The following DNAAF9 variants were observed in gnomAD, a reference collection of about 807,000 sequenced individuals.
DNAAF9 encodes the protein dynein axonemal assembly factor 9.
Under a neutral mutation model 167.0 loss-of-function variants are expected in DNAAF9, and 90 were observed. That is an observed-to-expected ratio of 0.54 (90% CI 0.45 to 0.64). The LOEUF is 0.64. Among genes scored for constraint, DNAAF9 ranks in the 30% least tolerant of loss-of-function variants. The pLI is 0.00. For missense variants in DNAAF9, 1,315 were observed against 1,442.2 expected, an observed-to-expected ratio of 0.91 and a Z score of 1.43; for synonymous variants, 491 against 508.8, an observed-to-expected ratio of 0.96 and a Z score of 0.47.
chr20:3,264,575 T>C (rs530652072), intron 30 of DNAAF9, 51 bp from the exon 31 acceptor site: 21 of 857,562 alleles, frequency 2.4e-5, no homozygotes, highest in African/African-American at 1.7e-4. Flanking sequence ...GTCAATCTCT[T>C]TTTTTTTTTT....
intron 10 of DNAAF9, among the ~76,000 whole-genome samples, chr20:3,333,565 ACAT>A (rs1202636544): frequency 6.6e-6 from 1 of 152,262 alleles, no homozygotes; most frequent in Admixed American, 6.5e-5. Context: ...CTAATAGTGA[ACAT>A]CATCAATATT....
chr20:3,311,954 T>C (rs893831644), intron 20 of DNAAF9, among the ~76,000 whole-genome samples: 1 of 151,888 alleles, frequency 6.6e-6, no homozygotes, highest in Non-Finnish European at 1.5e-5. Flanking sequence ...TGAAAAAAAC[T>C]TCAAGGTAAA....
chr20:3,340,706 T>C, intron 9 of DNAAF9, 67 bp from the exon 10 acceptor site: 1 of 1,480,998 alleles, frequency 6.8e-7, no homozygotes, highest in Non-Finnish European at 9.4e-7. Context: ...TTCCATGACC[T>C]TAATAAGTCC....
chr20:3,253,912 T>G (rs144261715), intron 35 of DNAAF9, 93 bp from the exon 36 acceptor site: 76 of 754,142 alleles, frequency 1.0e-4, no homozygotes, highest in Admixed American at 2.7e-4. Context: ...CCTAGCAAGA[T>G]AGACTACTCT....
chr20:3,280,432 G>A (rs892404368), intron 28 of DNAAF9, among the ~76,000 whole-genome samples: 2 of 151,992 alleles, frequency 1.3e-5, no homozygotes, highest in Admixed American at 6.5e-5. Context: ...GGGCATGGTG[G>A]TGCATGCCTG....
In DNAAF9 at chr20:3,362,660, C is replaced by T. The variant is rs190239777; in HGVS notation, c.613-3067G>A. On this transcript the variant is annotated intron_variant, in intron 6 of 36. Coordinates refer to ENST00000252032, the MANE Select transcript of DNAAF9 (RefSeq NM_001009984.3). ...ATTAGCTGCCTATAGCACCCGCCCC[C>T]GCTGCTCCAAATGCAAACCAAAAAT... is the stretch of plus-strand genomic sequence containing the variant. 3.9e-3 allele frequency among the ~76,000 whole-genome samples: 595 copies of T among 152,290 alleles called. 1 individual carries two copies. The highest frequency in any genetic ancestry group is 0.013 in the African/African-American group (531 of 41,550).
chr20:3,310,593 G>A (rs1394700502), intron 20 of DNAAF9, among the ~76,000 whole-genome samples: 1 of 151,902 alleles, frequency 6.6e-6, no homozygotes, highest in African/African-American at 2.4e-5. Flanking sequence ...GCTGAGGCAT[G>A]AGAATTGCTT....
At chr20:3,259,774 C>A (rs2068347833) in intron 32 of DNAAF9, 148 bp downstream of exon 32, 1 of 672,162 alleles carries the variant, frequency 1.5e-6, no homozygotes. Context: ...TGTGTGACCA[C>A]CCACAATCCT....
At position 3,332,868 on chromosome 20, in the gene DNAAF9, GTGCGTGCA is replaced by G. The variant is rs367867531; in HGVS notation, c.982-515_982-508del. 2.7e-4 allele frequency among the ~76,000 whole-genome samples: 41 copies of G among 151,254 alleles called. 1 individual carries two copies. The East Asian group carries it at 7.8e-3, about 29-fold the overall frequency. On this transcript the variant is annotated intron_variant, in intron 10 of 36. Coordinates refer to ENST00000252032, the MANE Select transcript of DNAAF9 (RefSeq NM_001009984.3). ...CAAAGGTATCTTTTGGTGCGTGTGC[GTGCGTGCA>G]TGCGTGTGTGCGTGTGTGCGTGTGG...
intron 11 of DNAAF9, among the ~76,000 whole-genome samples, chr20:3,330,985 T>A (rs2069817849): frequency 6.6e-6 from 1 of 151,868 alleles, no homozygotes; most frequent in Admixed American, 6.6e-5. Context: ...AGAGATGGGG[T>A]TTTGCCATGT....
At chr20:3,254,787 G>C (rs796311770) in intron 35 of DNAAF9, among the ~76,000 whole-genome samples, 3 of 152,332 alleles carry the variant, frequency 2.0e-5, no homozygotes, top group Admixed American at 6.5e-5. Flanking sequence ...AGAGCCTGGA[G>C]GCTGGGAGGC....
chr20:3,347,653 T>C (rs1249411261), intron 8 of DNAAF9, among the ~76,000 whole-genome samples: 1 of 151,846 alleles, frequency 6.6e-6, no homozygotes, highest in Non-Finnish European at 1.5e-5. Context: ...GGTAGCCGGA[T>C]GCGATGGCTC....
intron 6 of DNAAF9, chr20:3,362,305 G>A: frequency 1.0e-6 from 1 of 1,002,242 alleles, no homozygotes; most frequent in Non-Finnish European, 1.5e-6. Flanking sequence ...TTTTACTACT[G>A]AGCCTGTGGT....
Position 3,348,544 on chromosome 20 carries a change from G to GA in DNAAF9, c.769dup (p.Ser257PhefsTer7). The GA allele has an allele frequency of 6.3e-7, 1 of 1,597,174 alleles. No individual in the cohort carries two copies. Among genetic ancestry groups the GA allele is most frequent in the Non-Finnish European group, 8.6e-7 (1 of 1,169,238 alleles). ...ACATACCTCACCCGCCTGAGATTCTGAAAGTTCTAGCAGGAAAGGAATTTC... is the reference window on the plus strand; with the variant it reads ...ACATACCTCACCCGCCTGAGATTCTGAAAAGTTCTAGCAGGAAAGGAATTTC... On this transcript the variant is annotated frameshift_variant, in exon 8 of 37. Coordinates refer to ENST00000252032, the MANE Select transcript of DNAAF9 (RefSeq NM_001009984.3). LOFTEE classifies it high-confidence loss of function.
At chr20:3,268,897 CTTTTTTT>C (rs386393120) in intron 30 of DNAAF9, among the ~76,000 whole-genome samples, 89 of 85,846 alleles carry the variant, frequency 1.0e-3, no homozygotes, top group South Asian at 1.5e-3. Flanking sequence ...CTCTATGTTA[CTTTTTTT>C]TTTTTTTTTT....
At chr20:3,327,828 G>A (rs1322164800) in intron 12 of DNAAF9, among the ~76,000 whole-genome samples, 3 of 152,116 alleles carry the variant, frequency 2.0e-5, no homozygotes, top group Non-Finnish European at 4.4e-5. Flanking sequence ...ACCACATGCA[G>A]GACATGACAT....
intron 29 of DNAAF9, among the ~76,000 whole-genome samples, chr20:3,276,973 G>T (rs537124472): frequency 1.6e-4 from 24 of 152,232 alleles, no homozygotes; most frequent in African/African-American, 5.5e-4. Context: ...CTTCTCAGGG[G>T]TCCCCTCTAT....
At chr20:3,259,150 G>A (rs1253745359) in intron 33 of DNAAF9, among the ~76,000 whole-genome samples, 1 of 152,196 alleles carries the variant, frequency 6.6e-6, no homozygotes, top group Admixed American at 6.5e-5. Flanking sequence ...CCTGGTTTTA[G>A]GTCTAGAGGA....
chr20:3,250,561 A>G lies in DNAAF9; in HGVS notation c.*2011T>C, dbSNP rs2068180555. The G allele has an allele frequency of 6.6e-6, 1 of 152,118 alleles. No homozygotes were observed. The highest frequency in any genetic ancestry group is 2.4e-5 in the African/African-American group (1 of 41,420). 9.4% of individuals were successfully genotyped at this position (152,118 alleles called of 1,614,324 possible). A position where few individuals can be genotyped will look rare whatever the true frequency, so the allele number is the denominator to read the frequency against. ...ACAGTTTTTTCTCTAAGAGGAGAGG[A>G]GTTGGGACAGTGGGGCAAGTTGGTG... On this transcript the variant is annotated 3_prime_UTR_variant, in exon 37 of 37. Coordinates refer to ENST00000252032, the MANE Select transcript of DNAAF9 (RefSeq NM_001009984.3).
Sources: gnomAD v4.1 joint callset for allele counts (sites outside exome capture counted in the v4.1 genomes callset) on GRCh38, gnomAD v4.1.1 for gene constraint, MANE v1.5 for transcripts, NCBI Gene and HGNC (gene_info 2026-07-23, HGNC 2026-07-21) for gene names.